DGKG: variants seen among roughly 807,000 people sequenced by gnomAD.
The protein encoded by DGKG is diacylglycerol kinase gamma, also known as DAG kinase gamma.
In DGKG, 78 loss-of-function variants were observed where a neutral mutation model predicts 105.3. The observed-to-expected ratio is 0.74, with a 90% CI of 0.62 to 0.89. DGKG has a LOEUF of 0.89. DGKG is among the 40% of genes least tolerant of loss of function. The pLI is 0.00. For missense variants in DGKG, 958 were observed against 1,020.1 expected, an observed-to-expected ratio of 0.94 and a Z score of 0.83; for synonymous variants, 346 against 367.1, an observed-to-expected ratio of 0.94 and a Z score of 0.66.
chr3:186,202,247 A>G (rs548992193), intron 21 of DGKG, among the ~76,000 whole-genome samples: 1 of 152,376 alleles, frequency 6.6e-6, no homozygotes, highest in African/African-American at 2.4e-5. Flanking sequence ...GTGTGTGCAC[A>G]GTGGTATTTA....
chr3:186,299,837 C>CT (rs67637144), intron 3 of DGKG, among the ~76,000 whole-genome samples: 5 of 90,064 alleles, frequency 5.6e-5, no homozygotes, highest in South Asian at 3.7e-4. Flanking sequence ...TTCTTTCTTT[C>CT]TTTTTTTTTT....
chr3:186,264,461 A>G (rs1007879513), intron 14 of DGKG, among the ~76,000 whole-genome samples: 1 of 152,094 alleles, frequency 6.6e-6, no homozygotes, highest in South Asian at 2.1e-4. Flanking sequence ...ATGGGGTTTC[A>G]CCATGTTGGC....
At chr3:186,302,636 A>ATATC (rs1724035192) in intron 3 of DGKG, among the ~76,000 whole-genome samples, 1 of 149,122 alleles carries the variant, frequency 6.7e-6, no homozygotes, top group African/African-American at 2.5e-5. Context: ...ATCTATATCT[A>ATATC]TATCTATATA....
chr3:186,243,370 T>A lies in DGKG; in HGVS notation c.1762-802A>T, dbSNP rs563302422. ...CCCCCTGCACTCCAGCACTCACAGT[T>A]AGGATGGCTGTCATGCACTGTGCTC... On this transcript the variant is annotated intron_variant, in intron 19 of 24. Coordinates refer to ENST00000265022, the MANE Select transcript of DGKG (RefSeq NM_001346.3). Among the ~76,000 whole-genome samples the A allele has an allele frequency of 3.9e-5, 6 of 152,152 alleles. No homozygotes were observed. The East Asian group carries it at 1.2e-3, about 29-fold the overall frequency.
At chr3:186,245,564 G>A (rs1453822593) in intron 19 of DGKG, among the ~76,000 whole-genome samples, 1 of 152,222 alleles carries the variant, frequency 6.6e-6, no homozygotes, top group African/African-American at 2.4e-5. Flanking sequence ...TTAAGGCAAA[G>A]CGAGACTTCT....
chr3:186,175,338 A>G (rs1317469855), intron 22 of DGKG, among the ~76,000 whole-genome samples: 1 of 152,108 alleles, frequency 6.6e-6, no homozygotes, highest in Non-Finnish European at 1.5e-5. Flanking sequence ...CACAATGGCC[A>G]TTGTTGTTGG....
chr3:186,190,298 C>T (rs1279204872), intron 21 of DGKG, among the ~76,000 whole-genome samples: 1 of 152,188 alleles, frequency 6.6e-6, no homozygotes, highest in African/African-American at 2.4e-5. Context: ...CCCGGCTTCC[C>T]TGTTTTGCAC....
intron 2 of DGKG, among the ~76,000 whole-genome samples, chr3:186,315,883 G>C (rs1724795471): frequency 6.6e-6 from 1 of 152,220 alleles, no homozygotes; most frequent in South Asian, 2.1e-4. Flanking sequence ...CTGACCAGTG[G>C]AATGTGGAGG....
intron 9 of DGKG, 83 bp downstream of exon 9, chr3:186,279,768 G>T: frequency 2.6e-6 from 4 of 1,533,354 alleles, no homozygotes; most frequent in Non-Finnish European, 3.5e-6. Flanking sequence ...TGGAGCAGAA[G>T]CCAAAGTGAT....
chr3:186,263,349 C>G (rs1299476511), intron 14 of DGKG, among the ~76,000 whole-genome samples: 1 of 151,188 alleles, frequency 6.6e-6, no homozygotes, highest in African/African-American at 2.4e-5. Flanking sequence ...GGCGGATCAC[C>G]TGAGGTCAGG....
chr3:186,188,099 G>A, intron 22 of DGKG, 103 bp downstream of exon 22: 1 of 1,313,540 alleles, frequency 7.6e-7, no homozygotes, highest in Non-Finnish European at 1.1e-6. Flanking sequence ...AGAGCATGGA[G>A]TCCTTGCTGG....
chr3:186,342,963 C>A (rs1355587596), intron 1 of DGKG, among the ~76,000 whole-genome samples: 2 of 151,962 alleles, frequency 1.3e-5, no homozygotes, highest in Non-Finnish European at 2.9e-5. Context: ...GGCACACAAC[C>A]AAGGAACATA....
At chr3:186,177,872 T>G (rs1346983221) in intron 22 of DGKG, among the ~76,000 whole-genome samples, 1 of 152,212 alleles carries the variant, frequency 6.6e-6, no homozygotes, top group East Asian at 1.9e-4. Context: ...GATTAAACCC[T>G]GCTATGGACT....
chr3:186,299,767 C>CTTTCTTTCTTTCTTTT (rs1291713917), intron 3 of DGKG, among the ~76,000 whole-genome samples: 4 of 95,474 alleles, frequency 4.2e-5, no homozygotes, highest in African/African-American at 1.6e-4. Context: ...TTCTTCTTTT[C>CTTTCTTTCTTTCTTTT]TCTTTCTTTC....
At position 186,267,780 on chromosome 3, in the gene DGKG, G is replaced by A. The variant is rs753127952; in HGVS notation, c.1117-3C>T. ...GATAATTCACATTTGCGGTGAAACT[G>A]GGGGGAGAAATGAAAAAGAGAGTGA... On this transcript the variant is annotated splice_region_variant and splice_polypyrimidine_tract_variant and intron_variant, in intron 12 of 24. Coordinates refer to ENST00000265022, the MANE Select transcript of DGKG (RefSeq NM_001346.3). 1 of 1,612,854 alleles carries A rather than the reference G, an allele frequency of 6.2e-7. No individual in the cohort carries two copies. Among genetic ancestry groups the A allele is most frequent in the Non-Finnish European group, 8.5e-7 (1 of 1,178,960 alleles).
At chr3:186,168,874 C>A (rs982154982) in intron 22 of DGKG, among the ~76,000 whole-genome samples, 8 of 152,072 alleles carry the variant, frequency 5.3e-5, no homozygotes, top group Admixed American at 2.6e-4. Context: ...AACAAAACAC[C>A]AAGTGCTGGG....
chr3:186,257,773 C>G, intron 17 of DGKG, 81 bp downstream of exon 17: 1 of 1,128,760 alleles, frequency 8.9e-7, no homozygotes, highest in Non-Finnish European at 1.3e-6. Flanking sequence ...CTCCATGTCT[C>G]TTTCTTTTTT....
At chr3:186,292,249 G>T (rs180695144) in intron 5 of DGKG, among the ~76,000 whole-genome samples, 2 of 152,202 alleles carry the variant, frequency 1.3e-5, no homozygotes, top group East Asian at 3.9e-4. Flanking sequence ...GGGGCAGTGT[G>T]GCATAGTGGG....
At chr3:186,261,354 A>G (rs1364009406) in intron 15 of DGKG, among the ~76,000 whole-genome samples, 1 of 152,210 alleles carries the variant, frequency 6.6e-6, no homozygotes, top group East Asian at 1.9e-4. Context: ...CGGGCTGCCC[A>G]TCATCTCTTA....
Sources: allele counts gnomAD v4.1 joint callset (sites outside exome capture counted in the v4.1 genomes callset), GRCh38; gene constraint gnomAD v4.1.1; transcripts MANE v1.5; gene names NCBI Gene and HGNC (gene_info 2026-07-23, HGNC 2026-07-21).